The following ST6GALNAC3 variants were observed in gnomAD, a reference collection of about 807,000 sequenced individuals.
The protein encoded by ST6GALNAC3 is alpha-N-acetylgalactosaminide alpha-2,6-sialyltransferase 3.
Under a neutral mutation model 32.7 loss-of-function variants are expected in ST6GALNAC3, and 25 were observed. The ratio of observed to expected loss-of-function variants is 0.76; its 90% CI spans 0.56 to 1.07. ST6GALNAC3 has a LOEUF of 1.07. ST6GALNAC3 is among the 50% of genes least tolerant of loss of function. The pLI is 0.00. For missense variants in ST6GALNAC3, 355 were observed against 382.4 expected (o/e 0.93, Z 0.60); for synonymous variants, 129 against 133.1 (o/e 0.97, Z 0.21).
At chr1:76,235,547 C>T (rs565258028) in intron 1 of ST6GALNAC3, among the ~76,000 whole-genome samples, 83 of 151,876 alleles carry the variant, frequency 5.5e-4, no homozygotes, top group Middle Eastern at 3.4e-3. Flanking sequence ...AATTTGCCTA[C>T]ATTGAATGCC....
At chr1:76,635,744 T>C (rs1649488467), downstream of ST6GALNAC3, among the ~76,000 whole-genome samples, 1 of 152,310 alleles carries the variant, frequency 6.6e-6, no homozygotes, top group African/African-American at 2.4e-5. Context: ...ATCATGTGGC[T>C]TTGCCCTCCT....
intron 1 of ST6GALNAC3, among the ~76,000 whole-genome samples, chr1:76,082,515 G>A (rs1646910624): frequency 6.6e-6 from 1 of 152,190 alleles, no homozygotes; most frequent in Admixed American, 6.5e-5. Context: ...GTGGGCCTAG[G>A]AAAAGGTTCA....
chr1:76,324,018 C>T (rs909961942), intron 2 of ST6GALNAC3, among the ~76,000 whole-genome samples: 1 of 152,072 alleles, frequency 6.6e-6, no homozygotes, highest in East Asian at 1.9e-4. Flanking sequence ...CACCACCATG[C>T]CCGGCTTAAT....
chr1:76,609,166 T>C (rs113754974), intron 3 of ST6GALNAC3, among the ~76,000 whole-genome samples: 684 of 152,328 alleles, frequency 4.5e-3, no homozygotes, highest in Middle Eastern at 0.014. Context: ...GAATAGTTTT[T>C]AGTTTCTTTC....
chr1:76,318,343 T>G (rs897972872), intron 2 of ST6GALNAC3, among the ~76,000 whole-genome samples: 5 of 152,150 alleles, frequency 3.3e-5, no homozygotes, highest in Non-Finnish European at 5.9e-5. Flanking sequence ...CTTCACTTTC[T>G]CAATGAGTGT....
intron 1 of ST6GALNAC3, among the ~76,000 whole-genome samples, chr1:76,181,216 GT>G (rs1160351743): frequency 6.6e-6 from 1 of 152,164 alleles, no homozygotes; most frequent in Non-Finnish European, 1.5e-5. Context: ...GAACCCCCCT[GT>G]TTCACCGTTG....
At chr1:76,119,830 T>C (rs57996244) in intron 1 of ST6GALNAC3, among the ~76,000 whole-genome samples, 148,562 of 151,810 alleles carry the variant, frequency 0.98, 72,768 homozygotes, top group East Asian at 1. Context: ...TAGATAGATG[T>C]AATCCCTGTT....
In ST6GALNAC3 at chr1:76,420,272, T is replaced by G. The variant is rs370444098; in HGVS notation, c.623+7855T>G. 8.7e-4 allele frequency among the ~76,000 whole-genome samples: 133 copies of G among 152,224 alleles called. 1 individual carries two copies. Among genetic ancestry groups the G allele is most frequent in the Middle Eastern group, 3.4e-3 (1 of 294 alleles). On this transcript the variant is annotated intron_variant, in intron 3 of 4. Transcript: ENST00000328299. ...CTATTAACAAAGTAAAAGACATTCA[T>G]TTTTTCTTGAACCAAATAAATACAC... is the stretch of plus-strand genomic sequence containing the variant.
intron 2 of ST6GALNAC3, among the ~76,000 whole-genome samples, chr1:76,342,002 T>G (rs571460734): frequency 1.3e-5 from 2 of 152,162 alleles, no homozygotes; most frequent in South Asian, 4.2e-4. Context: ...GAATGATGGT[T>G]TCCAGCTTTA....
rs115446794 is a variant in ST6GALNAC3, at chr1:76,125,269, C to T, written c.18+50385C>T. ...CCACACATGGGATTTTTCCCTCACC[C>T]CCTCCTCCTTACCTGTTCCCTGGAC... On this transcript the variant is annotated intron_variant, in intron 1 of 4. Coordinates refer to ENST00000328299, the MANE Select transcript of ST6GALNAC3 (RefSeq NM_152996.4). Among the ~76,000 whole-genome samples the T allele has an allele frequency of 6.7e-3, 1,019 of 152,254 alleles. 12 individuals are homozygous for T. The highest frequency in any genetic ancestry group is 0.022 in the African/African-American group (911 of 41,544).
chr1:76,263,502 T>A (rs959058295), intron 1 of ST6GALNAC3, among the ~76,000 whole-genome samples: 1 of 152,172 alleles, frequency 6.6e-6, no homozygotes, highest in African/African-American at 2.4e-5. Flanking sequence ...ATTGGGAAAC[T>A]GCACTGTTAA....
chr1:76,171,044 A>G (rs1652458528), intron 1 of ST6GALNAC3, among the ~76,000 whole-genome samples: 1 of 151,396 alleles, frequency 6.6e-6, no homozygotes, highest in Non-Finnish European at 1.5e-5. Context: ...TTCAAAGACT[A>G]TTTATTTTGT....
chr1:76,224,945 G>T (rs2100616733), intron 1 of ST6GALNAC3, among the ~76,000 whole-genome samples: 1 of 152,280 alleles, frequency 6.6e-6, no homozygotes, highest in South Asian at 2.1e-4. Flanking sequence ...GTTTATTTCA[G>T]ACTGCAGGGA....
intron 2 of ST6GALNAC3, among the ~76,000 whole-genome samples, chr1:76,397,544 A>AT (rs34044569): frequency 0.63 from 94,804 of 149,794 alleles, 30,655 homozygotes; most frequent in South Asian, 0.82. Flanking sequence ...TAATTGTTGC[A>AT]TTTTTTTTTA....
intron 3 of ST6GALNAC3, among the ~76,000 whole-genome samples, chr1:76,532,873 T>C (rs1663346794): frequency 1.3e-5 from 2 of 152,250 alleles, no homozygotes; most frequent in Admixed American, 1.3e-4. Context: ...AATAATGCTT[T>C]TTTTAAAAAT....
At chr1:76,340,178 T>G (rs1647841883) in intron 2 of ST6GALNAC3, among the ~76,000 whole-genome samples, 1 of 152,180 alleles carries the variant, frequency 6.6e-6, no homozygotes, top group African/African-American at 2.4e-5. Flanking sequence ...TCGGAGTGCA[T>G]TTTGGGGGCT....
intron 2 of ST6GALNAC3, among the ~76,000 whole-genome samples, chr1:76,347,679 A>G (rs1426258213): frequency 3.3e-5 from 5 of 152,116 alleles, no homozygotes; most frequent in Admixed American, 3.3e-4. Context: ...TGCTTACTAA[A>G]TATCAGAAAG....
chr1:76,290,249 G>A (rs11162114), intron 1 of ST6GALNAC3, among the ~76,000 whole-genome samples: 73,374 of 152,056 alleles, frequency 0.48, 17,932 homozygotes, highest in African/African-American at 0.55. Flanking sequence ...GCTCAGGTAA[G>A]ACTATTTTAA....
At chr1:76,266,714 G>A (rs1557738712) in intron 1 of ST6GALNAC3, among the ~76,000 whole-genome samples, 1 of 152,078 alleles carries the variant, frequency 6.6e-6, no homozygotes, top group Admixed American at 6.6e-5. Flanking sequence ...GCTTCCACTT[G>A]CCACCCTTTC....
Sources: gnomAD v4.1 joint callset for allele counts (sites outside exome capture counted in the v4.1 genomes callset) on GRCh38, gnomAD v4.1.1 for gene constraint, MANE v1.5 for transcripts, NCBI Gene and HGNC (gene_info 2026-07-23, HGNC 2026-07-21) for gene names.